The following ROBO2 variants were observed in gnomAD, a reference collection of about 807,000 sequenced individuals.
The protein encoded by ROBO2 is roundabout homolog 2.
Under a neutral mutation model 160.8 loss-of-function variants are expected in ROBO2, and 53 were observed. The ratio of observed to expected loss-of-function variants is 0.33; its 90% CI spans 0.26 to 0.41. The LOEUF is 0.41. Among genes scored for constraint, ROBO2 ranks in the 10% least tolerant of loss-of-function variants. The pLI is 1.00. For missense variants in ROBO2, 1,577 were observed against 1,722.4 expected, an observed-to-expected ratio of 0.92 and a Z score of 1.49; for synonymous variants, 664 against 611.7, an observed-to-expected ratio of 1.09 and a Z score of -1.26.
At chr3:77,533,319 C>G (rs1046427634) in intron 6 of ROBO2, among the ~76,000 whole-genome samples, 23 of 152,066 alleles carry the variant, frequency 1.5e-4, no homozygotes, top group Non-Finnish European at 1.5e-5. Flanking sequence ...TGTCAGTTTT[C>G]TATTGTTGCA....
chr3:76,607,294 T>A (rs2087741418), intron 2 of ROBO2, among the ~76,000 whole-genome samples: 1 of 152,134 alleles, frequency 6.6e-6, no homozygotes, highest in East Asian at 1.9e-4. Context: ...CTCCTGAGTA[T>A]CTGGGGCTAC....
chr3:76,048,143 G>C (rs1383684094), intron 2 of ROBO2, among the ~76,000 whole-genome samples: 1 of 152,096 alleles, frequency 6.6e-6, no homozygotes, highest in Non-Finnish European at 1.5e-5. Flanking sequence ...TGAATGAAAA[G>C]TGGAGTAAAT....
chr3:77,515,476 C>A (rs144882566), intron 5 of ROBO2, among the ~76,000 whole-genome samples: 32 of 151,714 alleles, frequency 2.1e-4, no homozygotes, highest in Non-Finnish European at 4.3e-4. Context: ...TAGGCCAACA[C>A]GCACACACAC....
chr3:77,102,562 G>A (rs1185226241), intron 2 of ROBO2, among the ~76,000 whole-genome samples: 3 of 152,024 alleles, frequency 2.0e-5, no homozygotes, highest in Non-Finnish European at 2.9e-5. Flanking sequence ...TAAAAATATG[G>A]AATTTTTTTT....
intron 2 of ROBO2, among the ~76,000 whole-genome samples, chr3:76,874,892 G>A (rs570520521): frequency 3.3e-5 from 5 of 152,270 alleles, no homozygotes; most frequent in African/African-American, 1.2e-4. Flanking sequence ...GGAACACATG[G>A]TTGAGATATG....
chr3:76,934,525 G>A (rs950625084), intron 2 of ROBO2, among the ~76,000 whole-genome samples: 3 of 151,592 alleles, frequency 2.0e-5, no homozygotes, highest in Non-Finnish European at 2.9e-5. Flanking sequence ...GCCGGATCAC[G>A]AGGTCAAGAG....
chr3:77,331,444 G>A (rs2153442245), intron 2 of ROBO2, among the ~76,000 whole-genome samples: 1 of 152,130 alleles, frequency 6.6e-6, no homozygotes, highest in African/African-American at 2.4e-5. Flanking sequence ...GTATTTTCTT[G>A]GATATGGTTT....
chr3:76,262,900 A>G (rs1160058942), intron 2 of ROBO2, among the ~76,000 whole-genome samples: 2 of 152,254 alleles, frequency 1.3e-5, no homozygotes, highest in East Asian at 3.9e-4. Context: ...TCTTCTAAAA[A>G]TTTAAAAAGT....
intron 2 of ROBO2, among the ~76,000 whole-genome samples, chr3:75,972,908 C>T (rs182848016): frequency 3.4e-3 from 517 of 151,624 alleles, no homozygotes; most frequent in African/African-American, 0.011. Context: ...CCTTGTTCAC[C>T]CTATCTATTA....
intron 2 of ROBO2, among the ~76,000 whole-genome samples, chr3:77,297,794 G>A (rs902316576): frequency 2.6e-5 from 4 of 152,126 alleles, no homozygotes; most frequent in African/African-American, 9.7e-5. Context: ...ACAAACAAAG[G>A]AAGTAAAGGA....
chr3:75,934,283 A>T (rs1360538112), intron 1 of ROBO2, among the ~76,000 whole-genome samples: 5 of 152,138 alleles, frequency 3.3e-5, no homozygotes, highest in African/African-American at 4.8e-5. Flanking sequence ...AGGCTTTAGG[A>T]GTTATTTTAA....
chr3:76,325,727 AC>A (rs890380521), intron 2 of ROBO2, among the ~76,000 whole-genome samples: 5 of 151,586 alleles, frequency 3.3e-5, no homozygotes, highest in African/African-American at 1.2e-4. Context: ...AAAAAAAAAA[AC>A]AACAACCCTG....
At chr3:76,157,645 A>C (rs1030520652) in intron 2 of ROBO2, among the ~76,000 whole-genome samples, 2 of 152,148 alleles carry the variant, frequency 1.3e-5, no homozygotes, top group Non-Finnish European at 2.9e-5. Context: ...TCTCTGCCCC[A>C]GGTTCATTTT....
chr3:77,476,719 G>A (rs2084051682), intron 2 of ROBO2, among the ~76,000 whole-genome samples: 1 of 152,046 alleles, frequency 6.6e-6, no homozygotes, highest in Non-Finnish European at 1.5e-5. Flanking sequence ...TACAGCGAAG[G>A]TCCAACCTGC....
chr3:76,934,689 C>A (rs549031903), intron 2 of ROBO2, among the ~76,000 whole-genome samples: 1 of 151,952 alleles, frequency 6.6e-6, no homozygotes, highest in Non-Finnish European at 1.5e-5. Context: ...TGCAGTGAGC[C>A]GAGATATACC....
chr3:77,635,374 A>G (rs1322507554), intron 24 of ROBO2, among the ~76,000 whole-genome samples: 1 of 152,192 alleles, frequency 6.6e-6, no homozygotes, highest in African/African-American at 2.4e-5. Flanking sequence ...TTATATGATC[A>G]GAACTTTTAT....
At chr3:76,655,597 G>A (rs1465205301) in intron 2 of ROBO2, among the ~76,000 whole-genome samples, 1 of 148,734 alleles carries the variant, frequency 6.7e-6, no homozygotes, top group African/African-American at 2.5e-5. Context: ...TAGTTTTTGA[G>A]TTAGGGTATG....
intron 9 of ROBO2, among the ~76,000 whole-genome samples, chr3:77,562,322 A>G (rs998149471): frequency 6.6e-5 from 10 of 152,070 alleles, no homozygotes; most frequent in African/African-American, 2.2e-4. Flanking sequence ...AACAACTTAG[A>G]TATAGTAGAG....
At chr3:76,668,640 T>G (rs2092146033) in intron 2 of ROBO2, among the ~76,000 whole-genome samples, 1 of 152,148 alleles carries the variant, frequency 6.6e-6, no homozygotes, top group Non-Finnish European at 1.5e-5. Context: ...AAGGAAAATT[T>G]CCTAGGAAGA....
Sources: allele counts gnomAD v4.1 joint callset (sites outside exome capture counted in the v4.1 genomes callset), GRCh38; gene constraint gnomAD v4.1.1; transcripts MANE v1.5; gene names NCBI Gene and HGNC (gene_info 2026-07-23, HGNC 2026-07-21).